MGAT4C: variants seen among roughly 807,000 people sequenced by gnomAD.
MGAT4C encodes alpha-1,3-mannosyl-glycoprotein 4-beta-N-acetylglucosaminyltransferase C.
A neutral mutation model predicts 40.1 loss-of-function variants in MGAT4C; 19 were observed. The ratio of observed to expected loss-of-function variants is 0.47; its 90% CI spans 0.33 to 0.70. The LOEUF (loss-of-function observed/expected upper bound fraction) is 0.70, where lower values mean the gene tolerates loss of function less well. MGAT4C is among the 30% of genes least tolerant of loss of function. MGAT4C has a pLI of 0.02. For synonymous variants in MGAT4C, 181 were observed against 187.1 expected (o/e 0.97, Z 0.27); for missense variants, 491 against 563.2 (o/e 0.87, Z 1.30).
At position 85,978,828 on chromosome 12, in the gene MGAT4C, A is replaced by G. The variant is rs1422452204; in HGVS notation, c.*461T>C. On this transcript the variant is annotated 3_prime_UTR_variant, in exon 5 of 5. Transcript: ENST00000611864. ...ATGTACAGAAGTCAACGGAAACTTA[A>G]GTTTACAGAAAAAATAAACCAGATT... The G allele has an allele frequency of 2.6e-5, 4 of 152,270 alleles. No homozygotes were observed. Among genetic ancestry groups the G allele is most frequent in the African/African-American group, 9.7e-5 (4 of 41,412 alleles). The allele number at this position is 152,270 out of a possible 1,614,324, so 9.4% of individuals were successfully genotyped here.
intron 1 of MGAT4C, among the ~76,000 whole-genome samples, chr12:86,076,398 CA>C (rs745729462): frequency 3.3e-5 from 5 of 152,148 alleles, no homozygotes; most frequent in Non-Finnish European, 7.3e-5. Context: ...CTGAGCTCTC[CA>C]AACTGTTCCA....
intron 2 of MGAT4C, among the ~76,000 whole-genome samples, chr12:86,559,247 T>C (rs1959755513): frequency 6.6e-6 from 1 of 152,010 alleles, no homozygotes; most frequent in East Asian, 1.9e-4. Flanking sequence ...TCTCTCAGCA[T>C]TGAACAGATT....
At position 86,764,979 on chromosome 12, in the gene MGAT4C, G is replaced by A. The variant is rs542869604; in HGVS notation, c.-261-37738C>T. Reference sequence around the variant, plus strand: ...AGCGCCTCTCCTACTCCAAAGGAACGCAGTTCCTCACCAGCAATGGAACAA... The same window carrying A: ...AGCGCCTCTCCTACTCCAAAGGAACACAGTTCCTCACCAGCAATGGAACAA... On this transcript the variant is annotated intron_variant, in intron 1 of 7. Transcript: ENST00000548651. Among the ~76,000 whole-genome samples, 533 of 152,296 alleles carry A rather than the reference G, an allele frequency of 3.5e-3. 1 individual carries two copies. Among genetic ancestry groups the A allele is most frequent in the African/African-American group, 0.012 (507 of 41,566 alleles).
chr12:86,457,034 T>A (rs55946732), intron 2 of MGAT4C, among the ~76,000 whole-genome samples: 14,992 of 152,180 alleles, frequency 0.099, 999 homozygotes, highest in Middle Eastern at 0.25. Flanking sequence ...GTCCAGGACG[T>A]CCCTATTTCA....
chr12:86,326,749 A>G (rs934320433), intron 4 of MGAT4C, among the ~76,000 whole-genome samples: 2 of 152,138 alleles, frequency 1.3e-5, no homozygotes, highest in Non-Finnish European at 1.5e-5. Flanking sequence ...ACCATTTTCT[A>G]TTTCATACAA....
chr12:86,060,062 T>C (rs780791879), intron 1 of MGAT4C, among the ~76,000 whole-genome samples: 11 of 152,082 alleles, frequency 7.2e-5, no homozygotes, highest in Non-Finnish European at 1.6e-4. Flanking sequence ...TAGGAATAAT[T>C]TAGTTAGGTA....
chr12:86,030,849 G>A (rs149594415), intron 2 of MGAT4C, among the ~76,000 whole-genome samples: 16 of 151,822 alleles, frequency 1.1e-4, no homozygotes, highest in African/African-American at 3.6e-4. Context: ...CCAAGTGACC[G>A]ATTTAATTTG....
chr12:86,027,445 C>T (rs1890339837), intron 2 of MGAT4C, among the ~76,000 whole-genome samples: 1 of 151,346 alleles, frequency 6.6e-6, no homozygotes, highest in Non-Finnish European at 1.5e-5. Flanking sequence ...TTACTTAGAT[C>T]AAATGTTATA....
intron 3 of MGAT4C, among the ~76,000 whole-genome samples, chr12:86,362,084 C>G (rs540821776): frequency 6.6e-6 from 1 of 152,308 alleles, no homozygotes; most frequent in Admixed American, 6.5e-5. Context: ...TTGGAACCAA[C>G]CCAAATGTCC....
intron 1 of MGAT4C, among the ~76,000 whole-genome samples, chr12:86,128,015 T>C (rs1593014200): frequency 6.6e-6 from 1 of 152,234 alleles, no homozygotes; most frequent in South Asian, 2.1e-4. Context: ...AATCGTTCTT[T>C]AGCATTATCA....
chr12:86,651,320 A>G (rs1324279226), intron 2 of MGAT4C, among the ~76,000 whole-genome samples: 1 of 151,882 alleles, frequency 6.6e-6, no homozygotes, highest in African/African-American at 2.4e-5. Context: ...AATCATTGAT[A>G]TGCCTGGCAT....
rs1394488048 is a variant in MGAT4C at position 85,972,973 on chromosome 12, A to G, written c.*6316T>C. On this transcript the variant is annotated 3_prime_UTR_variant, in exon 5 of 5. Transcript: ENST00000611864. ...AAAAGAGGCATGTACTACCTTAAAC[A>G]TTTTCCAATTGGAACATACTATAGA... The G allele has an allele frequency of 6.6e-6, 1 of 150,996 alleles. No individual in the cohort carries two copies. The highest frequency in any genetic ancestry group is 1.5e-5 in the Non-Finnish European group (1 of 67,146). 9.4% of individuals were successfully genotyped at this position (150,996 alleles called of 1,614,324 possible).
chr12:86,805,675 A>T (rs1489788099), intron 1 of MGAT4C, among the ~76,000 whole-genome samples: 1 of 151,960 alleles, frequency 6.6e-6, no homozygotes, highest in Non-Finnish European at 1.5e-5. Flanking sequence ...TTTTGCCTCA[A>T]TGAACATGTC....
intron 4 of MGAT4C, among the ~76,000 whole-genome samples, chr12:86,306,847 G>A (rs1159946841): frequency 2.5e-5 from 2 of 78,684 alleles, no homozygotes; most frequent in African/African-American, 7.9e-5. Flanking sequence ...AAAGGGATAC[G>A]TGATAAAGAA....
intron 2 of MGAT4C, among the ~76,000 whole-genome samples, chr12:86,488,022 T>C (rs1383225093): frequency 6.6e-6 from 1 of 152,130 alleles, no homozygotes; most frequent in African/African-American, 2.4e-5. Flanking sequence ...ACTCACAAGA[T>C]ATAGATTAAG....
chr12:86,461,391 G>A (rs1344198170), intron 2 of MGAT4C, among the ~76,000 whole-genome samples: 1 of 151,782 alleles, frequency 6.6e-6, no homozygotes, highest in Non-Finnish European at 1.5e-5. Flanking sequence ...GACTACAGGC[G>A]CCCGCCACCG....
At chr12:86,366,418 T>C (rs148648707) in intron 3 of MGAT4C, among the ~76,000 whole-genome samples, 1 of 152,286 alleles carries the variant, frequency 6.6e-6, no homozygotes, top group African/African-American at 2.4e-5. Context: ...TTTGGTACTA[T>C]GTTGAAGGAA....
At chr12:86,513,910 A>C (rs926352660) in intron 2 of MGAT4C, among the ~76,000 whole-genome samples, 1 of 152,072 alleles carries the variant, frequency 6.6e-6, no homozygotes, top group African/African-American at 2.4e-5. Context: ...AGCTGTGAAA[A>C]TCAGCAGCCT....
intron 2 of MGAT4C, among the ~76,000 whole-genome samples, chr12:86,043,317 A>T (rs1272314041): frequency 6.6e-6 from 1 of 152,188 alleles, no homozygotes; most frequent in African/African-American, 2.4e-5. Context: ...CCAAAACCTC[A>T]AAAGTAGGAA....
Sources: allele counts gnomAD v4.1 joint callset (sites outside exome capture counted in the v4.1 genomes callset), GRCh38; gene constraint gnomAD v4.1.1; transcripts MANE v1.5; gene names NCBI Gene and HGNC (gene_info 2026-07-23, HGNC 2026-07-21).